Variants in PARD3B observed in about 807,000 individuals in gnomAD.
PARD3B encodes par-3 family cell polarity regulator beta.
In PARD3B, 103 loss-of-function variants were observed where a neutral mutation model predicts 130.2. The observed-to-expected ratio is 0.79, with a 90% CI of 0.67 to 0.93. PARD3B has a LOEUF of 0.93. PARD3B is among the 40% of genes least tolerant of loss of function. The pLI is 0.00. For missense variants in PARD3B, 1,609 were observed against 1,499.2 expected, an observed-to-expected ratio of 1.07 and a Z score of -1.21; for synonymous variants, 583 against 553.2, an observed-to-expected ratio of 1.05 and a Z score of -0.76.
intron 10 of PARD3B, among the ~76,000 whole-genome samples, chr2:205,138,936 C>T (rs557871944): frequency 1.2e-3 from 176 of 152,310 alleles, no homozygotes; most frequent in African/African-American, 4.1e-3. Context: ...TCCTCCAATC[C>T]TCTACTGATG....
chr2:204,778,072 C>G (rs546452138), intron 2 of PARD3B, among the ~76,000 whole-genome samples: 1 of 151,140 alleles, frequency 6.6e-6, no homozygotes, highest in South Asian at 2.1e-4. Context: ...AGTTAAACTT[C>G]CTTTGTTTAT....
chr2:205,523,876 AT>A (rs59465246), intron 21 of PARD3B, among the ~76,000 whole-genome samples: 4,391 of 148,568 alleles, frequency 0.03, 239 homozygotes, highest in African/African-American at 0.1. Flanking sequence ...ATATTTTTAA[AT>A]CCTTAAAATC....
At chr2:204,588,267 A>T (rs1369409665) in intron 1 of PARD3B, among the ~76,000 whole-genome samples, 1 of 152,174 alleles carries the variant, frequency 6.6e-6, no homozygotes. Flanking sequence ...AATATCATGG[A>T]GTTATAGGAA....
chr2:205,389,589 C>T (rs1471296406), intron 18 of PARD3B, among the ~76,000 whole-genome samples: 3 of 152,166 alleles, frequency 2.0e-5, no homozygotes, highest in Admixed American at 6.5e-5. Context: ...TCTTGAACTC[C>T]CGCCTCGGCC....
At chr2:204,643,340 C>G (rs951086148) in intron 1 of PARD3B, among the ~76,000 whole-genome samples, 2 of 151,918 alleles carry the variant, frequency 1.3e-5, no homozygotes, top group African/African-American at 4.8e-5. Flanking sequence ...CATCCTAACT[C>G]CCCATTGCCT....
Position 205,564,901 on chromosome 2 carries a change from A to G in PARD3B, c.3260+11498A>G, listed in dbSNP as rs528155277. 6.6e-6 allele frequency among the ~76,000 whole-genome samples: 1 copy of G among 152,308 alleles called. No homozygotes were observed. The highest frequency in any genetic ancestry group is 1.9e-4 in the East Asian group (1 of 5,182). ...AAGTCTCTCATTAAGCCTAGACAGA[A>G]GTGACCAGGGCTTGTCTCACCAGAG... On this transcript the variant is annotated intron_variant, in intron 22 of 22. Coordinates refer to ENST00000406610, the MANE Select transcript of PARD3B (RefSeq NM_001302769.2). This position sits in a 1 kb window ranked among gnomAD's most constrained non-coding sequence, Gnocchi z 4.6.
chr2:204,711,884 A>G (rs911273858), intron 2 of PARD3B, among the ~76,000 whole-genome samples: 1 of 152,096 alleles, frequency 6.6e-6, no homozygotes, highest in African/African-American at 2.4e-5. Context: ...TGGGAAAACA[A>G]ATGTGCAGAA....
intron 18 of PARD3B, among the ~76,000 whole-genome samples, chr2:205,393,054 A>G (rs1390485657): frequency 6.6e-6 from 1 of 152,210 alleles, no homozygotes; most frequent in African/African-American, 2.4e-5. Context: ...TGTGAGATAA[A>G]CAAGAAAAGA....
chr2:205,152,642 G>A (rs553773586), intron 10 of PARD3B, among the ~76,000 whole-genome samples: 1 of 152,162 alleles, frequency 6.6e-6, no homozygotes, highest in South Asian at 2.1e-4. Context: ...GTTTATTCTA[G>A]TTAGCCATTC....
chr2:205,213,227 T>C (rs200252777), intron 15 of PARD3B, among the ~76,000 whole-genome samples: 2 of 151,690 alleles, frequency 1.3e-5, no homozygotes, highest in African/African-American at 4.8e-5. Flanking sequence ...ATTTTTTTTT[T>C]CCAGCTCCTT....
At chr2:204,553,583 AGGCTATATACATATATATGTATATATAT>A (rs2030637312) in intron 1 of PARD3B, among the ~76,000 whole-genome samples, 1 of 62,136 alleles carries the variant, frequency 1.6e-5, no homozygotes. Context: ...TGTATATATA[AGGCTATATACATATATATGTATATATAT>A]GGCTATATAC....
chr2:204,664,070 T>C lies in PARD3B; in HGVS notation c.121-22111T>C, dbSNP rs758838166. Among the ~76,000 whole-genome samples, 31 of 152,172 alleles carry C rather than the reference T, an allele frequency of 2.0e-4. No individual in the cohort carries two copies. Among genetic ancestry groups the C allele is most frequent in the Non-Finnish European group, 4.1e-4 (28 of 68,028 alleles). ...GGCCCTTAATTGGGTGGGATTTTTA[T>C]TTGATTTATGACCTGAGGCTAATAC... On this transcript the variant is annotated intron_variant, in intron 1 of 22. Transcript: ENST00000406610. The surrounding 1 kb of genome is among the most constrained non-coding windows in gnomAD (Gnocchi z 5.2).
At chr2:204,617,557 T>A (rs868055152) in intron 1 of PARD3B, among the ~76,000 whole-genome samples, 2 of 152,180 alleles carry the variant, frequency 1.3e-5, no homozygotes, top group Non-Finnish European at 2.9e-5. Flanking sequence ...TTTCTTTTTT[T>A]AAACTTTCCA....
chr2:204,573,366 T>C (rs2032096511), intron 1 of PARD3B, among the ~76,000 whole-genome samples: 1 of 152,220 alleles, frequency 6.6e-6, no homozygotes, highest in Non-Finnish European at 1.5e-5. Context: ...AACACCAGTA[T>C]GTATGCGTGA....
chr2:204,947,176 G>A (rs1427883327), intron 2 of PARD3B, among the ~76,000 whole-genome samples: 1 of 152,140 alleles, frequency 6.6e-6, no homozygotes, highest in Non-Finnish European at 1.5e-5. Context: ...CCATGACAGA[G>A]GGAGTGCTCT....
intron 11 of PARD3B, among the ~76,000 whole-genome samples, chr2:205,163,000 C>A (rs1400215016): frequency 6.6e-6 from 1 of 152,062 alleles, no homozygotes; most frequent in Non-Finnish European, 1.5e-5. Context: ...CCTTAAGTTG[C>A]TTGTTTTGCT....
At chr2:204,818,999 G>C (rs1014506970) in intron 2 of PARD3B, among the ~76,000 whole-genome samples, 31 of 152,276 alleles carry the variant, frequency 2.0e-4, no homozygotes, top group Middle Eastern at 3.4e-3. Flanking sequence ...TGATCCATGT[G>C]GTGGTGGATT....
At chr2:204,700,609 A>G (rs1457782666) in intron 2 of PARD3B, among the ~76,000 whole-genome samples, 1 of 152,078 alleles carries the variant, frequency 6.6e-6, no homozygotes, top group Non-Finnish European at 1.5e-5. Context: ...CTGGAGCTAC[A>G]AGCATGCATA....
intron 2 of PARD3B, among the ~76,000 whole-genome samples, chr2:204,944,952 A>C (rs1689195761): frequency 6.6e-6 from 1 of 152,248 alleles, no homozygotes; most frequent in Admixed American, 6.5e-5. Flanking sequence ...AGATAACTCA[A>C]ATTCCAAGTG....
Sources: gnomAD v4.1 joint callset for allele counts (sites outside exome capture counted in the v4.1 genomes callset) on GRCh38, gnomAD v4.1.1 for gene constraint, Gnocchi (gnomAD v3.1) non-coding constraint, MANE v1.5 for transcripts, NCBI Gene and HGNC (gene_info 2026-07-23, HGNC 2026-07-21) for gene names.